GRM5: variants seen among roughly 807,000 people sequenced by gnomAD.
GRM5 encodes metabotropic glutamate receptor 5.
Under a neutral mutation model 83.1 loss-of-function variants are expected in GRM5, and 19 were observed. That is an observed-to-expected ratio of 0.23 (90% CI 0.16 to 0.34). The LOEUF (loss-of-function observed/expected upper bound fraction) is 0.34. Ranked by LOEUF, GRM5 falls within the 10% of genes least tolerant of loss-of-function variation. GRM5 has a pLI of 1.00. For missense variants in GRM5, 1,160 were observed against 1,588.3 expected (o/e 0.73, Z 4.58); for synonymous variants, 675 against 633.6 (o/e 1.07, Z -0.98).
chr11:88,987,370 G>A (rs1206485859), intron 2 of GRM5, among the ~76,000 whole-genome samples: 1 of 152,142 alleles, frequency 6.6e-6, no homozygotes, highest in Non-Finnish European at 1.5e-5. Context: ...CGCCCACGGA[G>A]TCTCACTGAT....
intron 3 of GRM5, among the ~76,000 whole-genome samples, chr11:88,657,022 G>C (rs1939781810): frequency 1.3e-5 from 2 of 152,210 alleles, no homozygotes; most frequent in South Asian, 4.1e-4. Flanking sequence ...AGGGATAACT[G>C]TATATAGACA....
chr11:88,600,507 T>G (rs972490954), intron 5 of GRM5, among the ~76,000 whole-genome samples: 1 of 151,914 alleles, frequency 6.6e-6, no homozygotes, highest in Non-Finnish European at 1.5e-5. Context: ...AATTTAAACC[T>G]AGAATATTCT....
chr11:88,689,001 G>A (rs754097738), intron 3 of GRM5, among the ~76,000 whole-genome samples: 5 of 151,900 alleles, frequency 3.3e-5, no homozygotes, highest in Non-Finnish European at 7.4e-5. Context: ...AATGAAAGGG[G>A]TCATTGTAAG....
chr11:88,605,276 T>A (rs569425378), intron 4 of GRM5, among the ~76,000 whole-genome samples: 5 of 152,168 alleles, frequency 3.3e-5, no homozygotes, highest in Admixed American at 2.0e-4. Flanking sequence ...ATAAAATGTA[T>A]CTTAAGGACA....
At chr11:88,574,128 CTGA>C (rs1943058390) in intron 7 of GRM5, among the ~76,000 whole-genome samples, 1 of 152,158 alleles carries the variant, frequency 6.6e-6, no homozygotes, top group African/African-American at 2.4e-5. Flanking sequence ...TAGAAGCACC[CTGA>C]TGATAGGGAG....
intron 9 of GRM5, among the ~76,000 whole-genome samples, chr11:88,519,801 C>T (rs1016803518): frequency 6.6e-6 from 1 of 152,096 alleles, no homozygotes; most frequent in Admixed American, 6.6e-5. Context: ...AACTGGGTGG[C>T]CTTGGATAGT....
chr11:88,828,767 A>G (rs1008553577), intron 3 of GRM5, among the ~76,000 whole-genome samples: 4 of 152,072 alleles, frequency 2.6e-5, no homozygotes, highest in Non-Finnish European at 2.9e-5. Context: ...AGAAAACTAC[A>G]AATATTAAAT....
intron 4 of GRM5, among the ~76,000 whole-genome samples, chr11:88,641,377 A>T (rs1290533097): frequency 3.9e-5 from 6 of 151,914 alleles, no homozygotes; most frequent in Admixed American, 3.9e-4. Flanking sequence ...GAGAGGACAC[A>T]TTACCAAAAT....
In GRM5 at chr11:88,509,198, C is replaced by T. The variant is rs1170834156; in HGVS notation, c.3033G>A (p.Pro1011=). Residue 1011 remains proline, a synonymous_variant, in exon 10 of 10, where the codon CCG becomes CCA. Coordinates refer to ENST00000305447, the MANE Select transcript of GRM5 (RefSeq NM_001143831.3). ...ACGGTGAGCGCGGCCGCGCGGGCGC[C>T]GGGAAGTGCTCCTCAGCCTCGGCCA... is the stretch of plus-strand genomic sequence containing the variant. ...YDVAEAEEHF[P]APARPRSPSP... is the part of the protein sequence containing the mutation. The T allele has an allele frequency of 1.3e-6, 2 of 1,533,916 alleles. No individual in the cohort carries two copies. Among genetic ancestry groups the T allele is most frequent in the East Asian group, 5.0e-5 (2 of 39,752 alleles).
intron 4 of GRM5, among the ~76,000 whole-genome samples, chr11:88,608,567 G>A (rs532227587): frequency 3.7e-5 from 5 of 136,690 alleles, no homozygotes; most frequent in African/African-American, 1.4e-4. Context: ...GGTCCAGGCT[G>A]GAGTGCAGTG....
chr11:88,976,894 G>A lies in GRM5; in HGVS notation c.661+70318C>T, dbSNP rs545670962. 4.0e-4 allele frequency among the ~76,000 whole-genome samples: 61 copies of A among 151,224 alleles called. No homozygotes were observed. The South Asian group carries it at 7.9e-3, about 20-fold the overall frequency. On this transcript the variant is annotated intron_variant, in intron 2 of 9. Transcript: ENST00000305447. ...ATACTTAGATATGCTATTTTTTCCT[G>A]TATACTTAGCATATTCCCCTTAAAT...
intron 3 of GRM5, among the ~76,000 whole-genome samples, chr11:88,795,521 G>C (rs192289799): frequency 2.3e-4 from 35 of 152,238 alleles, no homozygotes; most frequent in Non-Finnish European, 4.7e-4. Context: ...CCATTTGAAG[G>C]TATCTGTGAA....
chr11:89,033,332 A>T (rs1471695577), intron 2 of GRM5, among the ~76,000 whole-genome samples: 2 of 147,114 alleles, frequency 1.4e-5, no homozygotes, highest in Non-Finnish European at 2.9e-5. Flanking sequence ...CCTTGAAACC[A>T]AATTGTTTTT....
intron 3 of GRM5, among the ~76,000 whole-genome samples, chr11:88,847,076 A>G (rs1456795463): frequency 2.6e-5 from 4 of 152,160 alleles, no homozygotes; most frequent in African/African-American, 9.6e-5. Flanking sequence ...CCTCATTTGT[A>G]AAATTAGAGT....
chr11:88,612,704 T>G (rs1938357980), intron 4 of GRM5: 1 of 152,122 alleles, frequency 6.6e-6, no homozygotes, highest in South Asian at 2.1e-4. Flanking sequence ...TGATTTGCAT[T>G]TCTCTGATGG....
At chr11:88,764,291 A>G (rs991640096) in intron 3 of GRM5, among the ~76,000 whole-genome samples, 1 of 151,644 alleles carries the variant, frequency 6.6e-6, no homozygotes, top group African/African-American at 2.4e-5. Context: ...CTCAATAATG[A>G]TTACAACAAC....
Position 88,905,043 on chromosome 11 carries a change from T to G in GRM5, c.662-54888A>C, listed in dbSNP as rs1330458294. ...TTGTGAATTTAATTTGGGGCATGAA[T>G]GTGTCATACATCTTCATCCAATCAG... On this transcript the variant is annotated intron_variant, in intron 2 of 9. Coordinates refer to ENST00000305447, the MANE Select transcript of GRM5 (RefSeq NM_001143831.3). 2.0e-5 allele frequency among the ~76,000 whole-genome samples: 3 copies of G among 152,312 alleles called. No individual in the cohort carries two copies. In the South Asian group the frequency reaches 6.2e-4, roughly 32 times the overall value.
rs557897352 is a variant in GRM5, at chr11:89,007,165, A to G, written c.661+40047T>C. On this transcript the variant is annotated intron_variant, in intron 2 of 9. Transcript: ENST00000305447. Reference sequence around the variant, plus strand: ...CTTATTTATTAGGCCACATGCCCCTATCATAGGATCTCCCAGGACTTGCTT... The same window carrying G: ...CTTATTTATTAGGCCACATGCCCCTGTCATAGGATCTCCCAGGACTTGCTT... Among the ~76,000 whole-genome samples the G allele has an allele frequency of 3.3e-5, 5 of 152,272 alleles. No individual in the cohort carries two copies. In the South Asian group the frequency reaches 1.0e-3, roughly 32 times the overall value.
In GRM5 at chr11:88,876,795, G is replaced by A. The variant is rs145620334; in HGVS notation, c.662-26640C>T. On this transcript the variant is annotated intron_variant, in intron 2 of 9. Coordinates refer to ENST00000305447, the MANE Select transcript of GRM5 (RefSeq NM_001143831.3). Reference sequence around the variant, plus strand: ...CAGAACACAAACGTTTATTGATTAAGTTCACCAACATAGATAGGCATGATT... The same window carrying A: ...CAGAACACAAACGTTTATTGATTAAATTCACCAACATAGATAGGCATGATT... Among the ~76,000 whole-genome samples, 383 of 152,094 alleles carry A rather than the reference G, an allele frequency of 2.5e-3. 1 individual carries two copies. The highest frequency in any genetic ancestry group is 9.0e-3 in the African/African-American group (375 of 41,510).
Sources: allele counts gnomAD v4.1 joint callset (sites outside exome capture counted in the v4.1 genomes callset), GRCh38; gene constraint gnomAD v4.1.1; transcripts MANE v1.5; gene names NCBI Gene and HGNC (gene_info 2026-07-23, HGNC 2026-07-21).